The following GPX4 variants were observed in gnomAD, a reference collection of about 807,000 sequenced individuals.
GPX4 encodes phospholipid hydroperoxide glutathione peroxidase GPX4.
A neutral mutation model predicts 27.8 loss-of-function variants in GPX4; 28 were observed. The observed-to-expected ratio is 1.01, with a 90% confidence interval of 0.75 to 1.38. The LOEUF (loss-of-function observed/expected upper bound fraction) is 1.38. Among genes scored for constraint, GPX4 ranks in the 40% most tolerant of loss-of-function variants. The pLI is 0.00. For missense variants in GPX4, 357 were observed against 274.1 expected, an observed-to-expected ratio of 1.30 and a Z score of -2.14; for synonymous variants, 163 against 107.8, an observed-to-expected ratio of 1.51 and a Z score of -3.17.
Position 1,106,549 on chromosome 19 carries a change from A to G in GPX4, c.571A>G (p.Lys191Glu), listed in dbSNP as rs754002873. 1 of 1,613,136 alleles carries G rather than the reference A, an allele frequency of 6.2e-7. No individual in the cohort carries two copies. Among genetic ancestry groups the G allele is most frequent in the East Asian group, 2.2e-5 (1 of 44,828 alleles). ...GPMEEPLVIEKDLPHYF is the reference protein window; with the variant it reads ...GPMEEPLVIEEDLPHYF ...CTTTCCTCCCCGACAGGTGATAGAG[A>G]AGGACCTGCCCCACTATTTCTAGCT... The change falls in exon 7 of 7, where the codon AAG becomes GAG. Residue 191 changes from lysine to glutamate, a missense_variant. Physicochemically the swap from Lys to Glu is moderately conservative, Grantham distance 56. Transcript: ENST00000354171.
intron 1 of GPX4, chr19:1,104,470 T>G: frequency 5.9e-6 from 2 of 341,058 alleles, no homozygotes; most frequent in Non-Finnish European, 9.1e-6. Flanking sequence ...GGGGGCGGGG[T>G]CCGGGACGGC....
In GPX4 at chr19:1,104,085, G is replaced by C. The variant is rs1026540214; in HGVS notation, c.42G>C (p.Leu14=). The change falls in exon 1 of 7, where the codon CTG becomes CTC. Residue 14 remains leucine, a synonymous_variant. Coordinates refer to ENST00000354171, the MANE Select transcript of GPX4 (RefSeq NM_002085.5). ...GRLCRLLKPA[L]LCGALAAPGL... is the part of the protein sequence containing the mutation. ...TTTGCCGCCTACTGAAGCCGGCGCT[G>C]CTCTGTGGGGCTCTGGCCGCGCCTG... The C allele has an allele frequency of 4.0e-6, 6 of 1,512,714 alleles. No individual in the cohort carries two copies. The highest frequency in any genetic ancestry group is 2.3e-4 in the Middle Eastern group (1 of 4,332). The allele number at this position is 1,512,714 out of a possible 1,614,324, so 93.7% of individuals were successfully genotyped here. A position where few individuals can be genotyped will look rare whatever the true frequency, so the allele number is the denominator to read the frequency against.
Position 1,105,523 on chromosome 19 carries a change from GT to G in GPX4, c.324+14del. 3 of 1,611,632 alleles carry G rather than the reference GT, an allele frequency of 1.9e-6. No individual in the cohort carries two copies. The highest frequency in any genetic ancestry group is 2.5e-6 in the Non-Finnish European group (3 of 1,179,446). On this transcript the variant is annotated intron_variant, in intron 3 of 6. Coordinates refer to ENST00000354171, the MANE Select transcript of GPX4 (RefSeq NM_002085.5). Reference sequence around the variant, plus strand: ...GTTCGGGAAGCAGGTGGGCTGCTGCGTCCCCGGGGCCCGCAGAGGCGGGTGG... The same window carrying G: ...GTTCGGGAAGCAGGTGGGCTGCTGCGCCCCGGGGCCCGCAGAGGCGGGTGG...
rs1372159490 is a variant in GPX4 at position 1,105,529 on chromosome 19, G to T, written c.324+19G>T. On this transcript the variant is annotated intron_variant, in intron 3 of 6. Coordinates refer to ENST00000354171, the MANE Select transcript of GPX4 (RefSeq NM_002085.5). ...GAAGCAGGTGGGCTGCTGCGTCCCC[G>T]GGGCCCGCAGAGGCGGGTGGGTGGG... The T allele has an allele frequency of 5.0e-6, 8 of 1,611,376 alleles. No homozygotes were observed. Among genetic ancestry groups the T allele is most frequent in the African/African-American group, 1.3e-5 (1 of 74,974 alleles).
At position 1,105,851 on chromosome 19, in the gene GPX4, TGGGGGG is replaced by T; in HGVS notation, c.476+44_476+49del. 4.7e-5 allele frequency: 10 copies of T among 211,454 alleles called. 2 individuals are homozygous for T. The highest frequency in any genetic ancestry group is 7.4e-5 in the Non-Finnish European group (10 of 134,472). 13.1% of individuals were successfully genotyped at this position (211,454 alleles called of 1,614,324 possible). A position where few individuals can be genotyped will look rare whatever the true frequency, so the allele number is the denominator to read the frequency against. On this transcript the variant is annotated intron_variant, in intron 4 of 6. Transcript: ENST00000354171. ...GACAGTACGGCTGCTGGGGTGGGGG[TGGGGGG>T]GCTGCTGGGATGCTCACACCTCCCT...
chr19:1,104,072 T>C lies in GPX4; in HGVS notation c.29T>C (p.Leu10Pro), dbSNP rs1466382698. 2.6e-6 allele frequency: 4 copies of C among 1,519,560 alleles called. No individual in the cohort carries two copies. Among genetic ancestry groups the C allele is most frequent in the East Asian group, 2.6e-5 (1 of 38,530 alleles). The allele number at this position is 1,519,560 out of a possible 1,614,324, so 94.1% of individuals were successfully genotyped here. MSLGRLCRL[L>P]KPALLCGALA... ...AGCCTCGGCCGCCTTTGCCGCCTAC[T>C]GAAGCCGGCGCTGCTCTGTGGGGCT... The change falls in exon 1 of 7, where the codon CTG becomes CCG. Residue 10 changes from leucine to proline, a missense_variant. Transcript: ENST00000354171.
In GPX4 at chr19:1,104,895, C is replaced by T. The variant is rs1322433496; in HGVS notation, c.85-291C>T. 5.9e-6 allele frequency: 8 copies of T among 1,347,706 alleles called. No individual in the cohort carries two copies. Among genetic ancestry groups the T allele is most frequent in the African/African-American group, 1.5e-5 (1 of 67,858 alleles). The allele number at this position is 1,347,706 out of a possible 1,614,324, so 83.5% of individuals were successfully genotyped here. ...AAGCCCTGTCCCCGCAGCTTGCGACCGGAGATCCACGAATGTCCCAAGTCC... is the reference window on the plus strand; with the variant it reads ...AAGCCCTGTCCCCGCAGCTTGCGACTGGAGATCCACGAATGTCCCAAGTCC... On this transcript the variant is annotated intron_variant, in intron 1 of 6. Coordinates refer to ENST00000354171, the MANE Select transcript of GPX4 (RefSeq NM_002085.5).
intron 4 of GPX4, 99 bp from the exon 5 acceptor site, chr19:1,106,143 C>A (rs1599810685): frequency 8.5e-7 from 1 of 1,175,396 alleles, no homozygotes; most frequent in Non-Finnish European, 1.2e-6. Flanking sequence ...GTGGAGGCAG[C>A]CGGGGAAGCT....
In GPX4 at chr19:1,104,109, T is replaced by G; in HGVS notation, c.66T>G (p.Pro22=). The G allele has an allele frequency of 6.6e-7, 1 of 1,504,076 alleles. No individual in the cohort carries two copies. Among genetic ancestry groups the G allele is most frequent in the Non-Finnish European group, 8.8e-7 (1 of 1,133,462 alleles). The allele number at this position is 1,504,076 out of a possible 1,614,324, so 93.2% of individuals were successfully genotyped here. A position where few individuals can be genotyped will look rare whatever the true frequency, so the allele number is the denominator to read the frequency against. ...PALLCGALAA[P]GLAGTMCASR... is the part of the protein sequence containing the mutation. ...TGCTCTGTGGGGCTCTGGCCGCGCC[T>G]GGCCTGGCCGGGACCATGGTGAGCT... The change falls in exon 1 of 7, where the codon CCT becomes CCG. Residue 22 remains proline, a synonymous_variant. Coordinates refer to ENST00000354171, the MANE Select transcript of GPX4 (RefSeq NM_002085.5).
rs577906600 is a variant in GPX4 at position 1,106,612 on chromosome 19, C to T, written c.*40C>T. 2.5e-6 allele frequency: 4 copies of T among 1,611,846 alleles called. No individual in the cohort carries two copies. Among genetic ancestry groups the T allele is most frequent in the Non-Finnish European group, 2.5e-6 (3 of 1,179,238 alleles). Reference sequence around the variant, plus strand: ...GGCCCCGCCCGAGCCCCTGCCCACGCCCTTGGAGCCTTCCACCGGCACTCA... The same window carrying T: ...GGCCCCGCCCGAGCCCCTGCCCACGTCCTTGGAGCCTTCCACCGGCACTCA... On this transcript the variant is annotated 3_prime_UTR_variant, in exon 7 of 7. Transcript: ENST00000354171.
At chr19:1,105,629 GACTC>G (rs779092188) in intron 3 of GPX4, 25 bp from the exon 4 acceptor site, 19 of 1,609,036 alleles carry the variant, frequency 1.2e-5, no homozygotes, top group African/African-American at 5.3e-5. Context: ...GCCAGCCCCC[GACTC>G]ACTCACACAC....
Position 1,105,399 on chromosome 19 carries a change from C to T in GPX4, c.213C>T (p.Ser71=). Residue 71 remains serine (S), a synonymous_variant, in exon 3 of 7, where the codon TCC becomes TCT. Coordinates refer to ENST00000354171, the MANE Select transcript of GPX4 (RefSeq NM_002085.5). ...GFVCIVTNVA[S]QUGKTEVNYT... is the part of the protein sequence containing the mutation. ...TGTGCATCGTCACCAACGTGGCCTC[C>T]CAGTGAGGCAAGACCGAAGTAAACT... 1 of 1,611,180 alleles carries T rather than the reference C, an allele frequency of 6.2e-7. No individual in the cohort carries two copies. Among genetic ancestry groups the T allele is most frequent in the Non-Finnish European group, 8.5e-7 (1 of 1,178,618 alleles).
At position 1,105,352 on chromosome 19, in the gene GPX4, G is replaced by T; in HGVS notation, c.180-14G>T. 1 of 1,611,452 alleles carries T rather than the reference G, an allele frequency of 6.2e-7. No homozygotes were observed. The highest frequency in any genetic ancestry group is 8.5e-7 in the Non-Finnish European group (1 of 1,178,892). Reference sequence around the variant, plus strand: ...GGCCGTGTTCTTCTGCGCTGACGCCGCCGATCCTCGCAGGGGCTTCGTGTG... The same window carrying T: ...GGCCGTGTTCTTCTGCGCTGACGCCTCCGATCCTCGCAGGGGCTTCGTGTG... On this transcript the variant is annotated splice_polypyrimidine_tract_variant and intron_variant, in intron 2 of 6. Coordinates refer to ENST00000354171, the MANE Select transcript of GPX4 (RefSeq NM_002085.5).
Position 1,106,248 on chromosome 19 carries a change from C to A in GPX4, c.483C>A (p.Ile161=), listed in dbSNP as rs368588689. The A allele has an allele frequency of 6.2e-7, 1 of 1,602,720 alleles. No homozygotes were observed. Among genetic ancestry groups the A allele is most frequent in the East Asian group, 2.2e-5 (1 of 44,618 alleles). The change falls in exon 5 of 7, where the codon ATC becomes ATA. Residue 161 remains isoleucine, a synonymous_variant. Coordinates refer to ENST00000354171, the MANE Select transcript of GPX4 (RefSeq NM_002085.5). ...CCATGTGCTTCTTTTCCAGTGCCAT[C>A]AAGTGGAACTTCACCAAGGTAAGGG... ...PKGKGILGNA[I]KWNFTKFLID... is the part of the protein sequence containing the mutation.
intron 4 of GPX4, 60 bp from the exon 5 acceptor site, chr19:1,106,182 A>G (rs1213343503): frequency 6.7e-7 from 1 of 1,493,216 alleles, no homozygotes; most frequent in Non-Finnish European, 9.1e-7. Context: ...TGGAGACAGG[A>G]CAGCTTGGGG....
chr19:1,106,373 C>T (rs762193339), intron 5 of GPX4, 27 bp from the exon 6 acceptor site: 48 of 1,613,274 alleles, frequency 3.0e-5, no homozygotes, highest in Non-Finnish European at 4.0e-5. Context: ...GGGGTGGCCC[C>T]ACAGTTTGGA....
At chr19:1,106,491 T>G in intron 6 of GPX4, 32 bp downstream of exon 6, 1 of 1,612,052 alleles carries the variant, frequency 6.2e-7, no homozygotes, top group Non-Finnish European at 8.5e-7. Flanking sequence ...CGCTTGAGGC[T>G]CGGGGGCTTG....
intron 6 of GPX4, 38 bp downstream of exon 6, chr19:1,106,497 G>A (rs770192113): frequency 6.2e-7 from 1 of 1,612,396 alleles, no homozygotes; most frequent in Non-Finnish European, 8.5e-7. Context: ...AGGCTCGGGG[G>A]CTTGGGAGGT....
In GPX4 at chr19:1,105,505, A is replaced by G. The variant is rs1283926030; in HGVS notation, c.319A>G (p.Lys107Glu). The G allele has an allele frequency of 1.2e-6, 2 of 1,612,150 alleles. No homozygotes were observed. Among genetic ancestry groups the G allele is most frequent in the African/African-American group, 2.7e-5 (2 of 74,840 alleles). Reference sequence around the variant, plus strand: ...GGCCTTCCCGTGTAACCAGTTCGGGAAGCAGGTGGGCTGCTGCGTCCCCGG... The same window carrying G: ...GGCCTTCCCGTGTAACCAGTTCGGGGAGCAGGTGGGCTGCTGCGTCCCCGG... ...ILAFPCNQFGKQEPGSNEEIK... is the reference protein window; with the variant it reads ...ILAFPCNQFGEQEPGSNEEIK... The change falls in exon 3 of 7, where the codon AAG (lysine) becomes GAG (glutamate). Residue 107 changes from lysine to glutamate, a missense_variant. By Grantham distance (56) the Lys-to-Glu change is moderately conservative (BLOSUM62 1). Coordinates refer to ENST00000354171, the MANE Select transcript of GPX4 (RefSeq NM_002085.5).
Sources: allele counts gnomAD v4.1 joint callset, GRCh38; gene constraint gnomAD v4.1.1; transcripts MANE v1.5; gene names NCBI Gene and HGNC (gene_info 2026-07-23, HGNC 2026-07-21).